Variants in PCDH15 observed in about 807,000 individuals in gnomAD.
The protein encoded by PCDH15 is protocadherin related 15.
In PCDH15, 129 loss-of-function variants were observed where a neutral mutation model predicts 178.5. The observed-to-expected ratio is 0.72, with a 90% CI of 0.63 to 0.84. PCDH15 has a LOEUF of 0.84. Ranked by LOEUF, PCDH15 falls within the 40% of genes least tolerant of loss-of-function variation. The pLI is 0.00. For missense variants in PCDH15, 2,230 were observed against 2,099.9 expected (o/e 1.06, Z -1.21); for synonymous variants, 800 against 732.0 (o/e 1.09, Z -1.50).
intron 6 of PCDH15, among the ~76,000 whole-genome samples, chr10:54,330,601 T>C (rs1939301563): frequency 6.6e-6 from 1 of 151,958 alleles, no homozygotes; most frequent in East Asian, 1.9e-4. Context: ...TCTTTTAGGT[T>C]CCACAACTTC....
At chr10:54,359,259 T>C (rs1258273275) in intron 5 of PCDH15, among the ~76,000 whole-genome samples, 1 of 148,674 alleles carries the variant, frequency 6.7e-6, no homozygotes, top group Non-Finnish European at 1.5e-5. Flanking sequence ...AATAAACCTT[T>C]AAAAAACTAA....
At chr10:55,331,285 G>A (rs1844192308) in intron 2 of PCDH15, among the ~76,000 whole-genome samples, 1 of 151,864 alleles carries the variant, frequency 6.6e-6, no homozygotes, top group African/African-American at 2.4e-5. Context: ...AGAATGATTT[G>A]TAGTACTGTA....
At chr10:55,123,886 C>G (rs1258439762) in intron 2 of PCDH15, among the ~76,000 whole-genome samples, 1 of 152,150 alleles carries the variant, frequency 6.6e-6, no homozygotes. Context: ...CATCCCCAAA[C>G]ATGGATTTCC....
At chr10:54,344,920 A>AAAC (rs1431203838) in intron 6 of PCDH15, among the ~76,000 whole-genome samples, 9,039 of 145,226 alleles carry the variant, frequency 0.062, 466 homozygotes, top group African/African-American at 0.11. Flanking sequence ...AAAAAAAAAA[A>AAAC]AAAAAACAAG....
intron 18 of PCDH15, among the ~76,000 whole-genome samples, chr10:54,043,891 T>C (rs1182309101): frequency 6.6e-6 from 1 of 152,108 alleles, no homozygotes; most frequent in Non-Finnish European, 1.5e-5. Context: ...GGAGATCAGG[T>C]AATGACTTCA....
chr10:55,577,433 A>G (rs1036144175), intron 2 of PCDH15, among the ~76,000 whole-genome samples: 1 of 152,168 alleles, frequency 6.6e-6, no homozygotes, highest in African/African-American at 2.4e-5. Context: ...CTGTGGAGAT[A>G]CCTGAAGAAA....
chr10:54,053,271 G>A (rs1911385), intron 18 of PCDH15, among the ~76,000 whole-genome samples: 31,630 of 152,018 alleles, frequency 0.21, 3,472 homozygotes, highest in Non-Finnish European at 0.23. Context: ...ATACTTTACC[G>A]GTTCTCTTTT....
chr10:54,567,463 ATATAGT>A (rs1243583691), intron 2 of PCDH15, among the ~76,000 whole-genome samples: 2 of 152,202 alleles, frequency 1.3e-5, no homozygotes, highest in Non-Finnish European at 2.9e-5. Flanking sequence ...TGAAAAAGAA[ATATAGT>A]TAAATTATAT....
chr10:54,104,214 G>A (rs899707747), intron 15 of PCDH15, among the ~76,000 whole-genome samples: 3 of 152,136 alleles, frequency 2.0e-5, no homozygotes, highest in Non-Finnish European at 2.9e-5. Context: ...AGGTTTCCAC[G>A]ACTAGGAATG....
At chr10:54,244,265 T>C (rs954469747) in intron 8 of PCDH15, among the ~76,000 whole-genome samples, 7 of 152,176 alleles carry the variant, frequency 4.6e-5, no homozygotes, top group Non-Finnish European at 8.8e-5. Flanking sequence ...ATCCTCTCAA[T>C]TGCATATTTG....
At chr10:53,857,008 A>G (rs1039153821) in intron 28 of PCDH15, among the ~76,000 whole-genome samples, 167 bp downstream of exon 28, 1 of 152,106 alleles carries the variant, frequency 6.6e-6, no homozygotes, top group African/African-American at 2.4e-5. Flanking sequence ...TACAGTGCTC[A>G]CTATTTGGGT....
chr10:54,762,247 T>C (rs1644149440), intron 1 of PCDH15, among the ~76,000 whole-genome samples: 1 of 152,246 alleles, frequency 6.6e-6, no homozygotes, highest in South Asian at 2.1e-4. Context: ...ATTCATGTTA[T>C]AAAAGTATTT....
intron 3 of PCDH15, among the ~76,000 whole-genome samples, chr10:54,505,217 T>C (rs1461088419): frequency 6.6e-6 from 1 of 152,144 alleles, no homozygotes; most frequent in East Asian, 1.9e-4. Context: ...CAAGGTCATA[T>C]GCCTCTTATC....
intron 2 of PCDH15, among the ~76,000 whole-genome samples, chr10:54,621,076 A>G (rs1937400): frequency 0.55 from 83,211 of 151,704 alleles, 22,879 homozygotes; most frequent in Non-Finnish European, 0.57. Context: ...ATTATTTTTC[A>G]TTTAAAATTA....
chr10:53,942,455 T>C (rs2086153742), intron 23 of PCDH15, among the ~76,000 whole-genome samples: 1 of 152,234 alleles, frequency 6.6e-6, no homozygotes, highest in Admixed American at 6.5e-5. Context: ...CTTTGCTCAG[T>C]GTTCATGTGA....
chr10:53,996,700 G>A (rs1589826608), intron 20 of PCDH15, among the ~76,000 whole-genome samples: 1 of 152,184 alleles, frequency 6.6e-6, no homozygotes, highest in Middle Eastern at 3.4e-3. Flanking sequence ...ATCTTTTAGA[G>A]ATAATTGTAT....
rs10629717 is a variant in PCDH15, at chr10:54,194,062, G to GA, written c.1305+1620dup. On this transcript the variant is annotated intron_variant, in intron 11 of 37. Transcript: ENST00000644397. ...TAAATGTGAGAGACCAGGAAAGATTGAAAAAAAAAAAAAAGCTAGAATGGA... is the reference window on the plus strand; with the variant it reads ...TAAATGTGAGAGACCAGGAAAGATTGAAAAAAAAAAAAAAAGCTAGAATGGA... 3.9e-3 allele frequency among the ~76,000 whole-genome samples: 459 copies of GA among 117,900 alleles called. 5 individuals are homozygous for GA. The highest frequency in any genetic ancestry group is 7.2e-3 in the African/African-American group (237 of 32,916). The allele number at this position is 117,900 out of a possible 152,430, so 77.3% of individuals were successfully genotyped here. A position where few individuals can be genotyped will look rare whatever the true frequency, so the allele number is the denominator to read the frequency against.
Position 54,197,110 on chromosome 10 carries a change from T to A in PCDH15, c.1099-1221A>T, listed in dbSNP as rs374691412. On this transcript the variant is annotated intron_variant, in intron 10 of 37. Transcript: ENST00000644397. ...AGGACAGAAATAATAAATTTCATTG[T>A]AATGTTGTAGAAACTGTGAATTGCA... 5.9e-5 allele frequency among the ~76,000 whole-genome samples: 9 copies of A among 152,284 alleles called. No individual in the cohort carries two copies. In the East Asian group the frequency reaches 1.5e-3, roughly 26 times the overall value.
At chr10:54,637,923 C>G (rs1018527215) in intron 2 of PCDH15, among the ~76,000 whole-genome samples, 4 of 152,034 alleles carry the variant, frequency 2.6e-5, no homozygotes, top group African/African-American at 9.7e-5. Context: ...ACATCTGAAA[C>G]AGATGAAGAC....
Sources: gnomAD v4.1 joint callset for allele counts (sites outside exome capture counted in the v4.1 genomes callset) on GRCh38, gnomAD v4.1.1 for gene constraint, MANE v1.5 for transcripts, NCBI Gene and HGNC (gene_info 2026-07-23, HGNC 2026-07-21) for gene names.